KIF2A: variants seen among roughly 807,000 people sequenced by gnomAD.
KIF2A encodes the protein kinesin family member 2A, also known as kinesin-like protein KIF2A.
A neutral mutation model predicts 100.2 loss-of-function variants in KIF2A; 22 were observed. The ratio of observed to expected loss-of-function variants is 0.22; its 90% CI spans 0.16 to 0.31. The LOEUF (loss-of-function observed/expected upper bound fraction) is 0.31, where lower values mean the gene tolerates loss of function less well. Among genes scored for constraint, KIF2A ranks in the 10% least tolerant of loss-of-function variants. The pLI is 1.00. For synonymous variants in KIF2A, 268 were observed against 285.9 expected, an observed-to-expected ratio of 0.94 and a Z score of 0.63; for missense variants, 495 against 898.7, an observed-to-expected ratio of 0.55 and a Z score of 5.74.
Position 62,389,484 on chromosome 5 carries a change from T to G in KIF2A, c.*3915T>G, listed in dbSNP as rs1580117259. On this transcript the variant is annotated 3_prime_UTR_variant, in exon 21 of 21. Coordinates refer to ENST00000407818, the MANE Select transcript of KIF2A (RefSeq NM_001098511.3). ...CTGGGTGACAGAGCAAGACTCTGTCTCAAAAAAAAAAAAAAAAGAAATGTT... is the reference window on the plus strand; with the variant it reads ...CTGGGTGACAGAGCAAGACTCTGTCGCAAAAAAAAAAAAAAAAGAAATGTT... Among the ~76,000 whole-genome samples the G allele has an allele frequency of 2.5e-5, 1 of 39,868 alleles. No individual in the cohort carries two copies. The highest frequency in any genetic ancestry group is 5.2e-4 in the South Asian group (1 of 1,940). The allele number at this position is 39,868 out of a possible 152,430, so 26.2% of individuals were successfully genotyped here.
intron 1 of KIF2A, among the ~76,000 whole-genome samples, chr5:62,322,932 A>C (rs1311684814): frequency 9.0e-6 from 1 of 110,954 alleles, no homozygotes; most frequent in Non-Finnish European, 1.8e-5. Context: ...GATTCAATTT[A>C]GTAAAAAAAA....
intron 18 of KIF2A, among the ~76,000 whole-genome samples, chr5:62,375,024 A>G (rs1741480684): frequency 6.6e-6 from 1 of 152,196 alleles, no homozygotes; most frequent in African/African-American, 2.4e-5. Flanking sequence ...ACAGCAAAAT[A>G]CTAACATTTG....
rs540323298 is a variant in KIF2A, at chr5:62,387,245, G to A, written c.*1676G>A. On this transcript the variant is annotated 3_prime_UTR_variant, in exon 21 of 21. Coordinates refer to ENST00000407818, the MANE Select transcript of KIF2A (RefSeq NM_001098511.3). ...TGGAAAGGACTCAGGTTTTCTTGCA[G>A]CTGTAAGATATATTCTATTTGTGTT... 7.9e-5 allele frequency: 12 copies of A among 152,302 alleles called. No homozygotes were observed. Among genetic ancestry groups the A allele is most frequent in the African/African-American group, 2.9e-4 (12 of 41,558 alleles). 9.4% of individuals were successfully genotyped at this position (152,302 alleles called of 1,614,324 possible). A position where few individuals can be genotyped will look rare whatever the true frequency, so the allele number is the denominator to read the frequency against.
At chr5:62,363,988 C>A in intron 14 of KIF2A, 89 bp downstream of exon 14, 1 of 1,016,424 alleles carries the variant, frequency 9.8e-7, no homozygotes, top group Non-Finnish European at 1.4e-6. Flanking sequence ...ACTTGTTTTA[C>A]CTAATAAAAA....
At chr5:62,334,090 A>G (rs1283885510) in intron 1 of KIF2A, among the ~76,000 whole-genome samples, 1 of 151,692 alleles carries the variant, frequency 6.6e-6, no homozygotes, top group African/African-American at 2.4e-5. Flanking sequence ...CTGTCCTCCC[A>G]CCTGCCATGA....
At position 62,373,740 on chromosome 5, in the gene KIF2A, T is replaced by G. The variant is rs750108492; in HGVS notation, c.1814T>G (p.Met605Arg). 21 of 1,613,344 alleles carry G rather than the reference T, an allele frequency of 1.3e-5. No homozygotes were observed. Among genetic ancestry groups the G allele is most frequent in the Non-Finnish European group, 1.7e-5 (20 of 1,179,394 alleles). ...GCTGCTGGTGATGTTCGTCCAATAA[T>G]GCACCATCCACCAAACCAGATTGAT... ...PTAAGDVRPI[M>R]HHPPNQIDDL... Residue 605 changes from methionine to arginine, a missense_variant, in exon 18 of 21, where the codon ATG becomes AGG. Transcript: ENST00000407818.
At chr5:62,348,517 C>T (rs555636164) in intron 3 of KIF2A, among the ~76,000 whole-genome samples, 1 of 152,270 alleles carries the variant, frequency 6.6e-6, no homozygotes, top group African/African-American at 2.4e-5. Flanking sequence ...GGAATAATAA[C>T]TACCAACTCT....
At chr5:62,359,136 TAAA>T (rs1374797139) in intron 9 of KIF2A, among the ~76,000 whole-genome samples, 2 of 152,230 alleles carry the variant, frequency 1.3e-5, no homozygotes. Flanking sequence ...GTATTCAACT[TAAA>T]AATAATTCAA....
chr5:62,347,029 C>A (rs1747605150), intron 1 of KIF2A, 101 bp from the exon 2 acceptor site: 2 of 664,502 alleles, frequency 3.0e-6, no homozygotes, highest in Non-Finnish European at 5.2e-6. Context: ...AAAGTAGTGT[C>A]ATTTTTTTTT....
At chr5:62,366,775 G>A (rs796426745) in intron 16 of KIF2A, among the ~76,000 whole-genome samples, 3 of 150,930 alleles carry the variant, frequency 2.0e-5, no homozygotes, top group African/African-American at 7.3e-5. Flanking sequence ...AGCTTGCAGT[G>A]AGCCGAGATC....
At chr5:62,374,390 A>G (rs1180318383) in intron 18 of KIF2A, among the ~76,000 whole-genome samples, 1 of 152,190 alleles carries the variant, frequency 6.6e-6, no homozygotes, top group African/African-American at 2.4e-5. Flanking sequence ...CATAAACCCA[A>G]AACATGTATT....
chr5:62,368,714 C>A (rs949361109), intron 16 of KIF2A, among the ~76,000 whole-genome samples: 9 of 151,658 alleles, frequency 5.9e-5, no homozygotes, highest in South Asian at 2.1e-4. Context: ...AATGTTGAGT[C>A]TACAGTGAGT....
At chr5:62,341,272 G>A (rs1296319766) in intron 1 of KIF2A, among the ~76,000 whole-genome samples, 2 of 151,906 alleles carry the variant, frequency 1.3e-5, no homozygotes, top group Admixed American at 1.3e-4. Flanking sequence ...TTCCAATATT[G>A]AGGAGACTGC....
chr5:62,369,328 G>A lies in KIF2A; in HGVS notation c.1646+2847G>A, dbSNP rs143229579. On this transcript the variant is annotated intron_variant, in intron 16 of 20. Coordinates refer to ENST00000407818, the MANE Select transcript of KIF2A (RefSeq NM_001098511.3). Reference sequence around the variant, plus strand: ...GCTTCAGGAAACTTACAGTCATGGTGGAAGGTGAAGGGGAAGCAAGGCACC... The same window carrying A: ...GCTTCAGGAAACTTACAGTCATGGTAGAAGGTGAAGGGGAAGCAAGGCACC... Among the ~76,000 whole-genome samples, 110 of 152,246 alleles carry A rather than the reference G, an allele frequency of 7.2e-4. 1 individual carries two copies. Among genetic ancestry groups the A allele is most frequent in the African/African-American group, 2.6e-3 (106 of 41,542 alleles).
chr5:62,345,679 A>G (rs1194746048), intron 1 of KIF2A, among the ~76,000 whole-genome samples: 1 of 152,104 alleles, frequency 6.6e-6, no homozygotes, highest in Non-Finnish European at 1.5e-5. Flanking sequence ...ATAAACAATA[A>G]TACTTATTAA....
intron 1 of KIF2A, among the ~76,000 whole-genome samples, chr5:62,340,201 T>G (rs2111883060): frequency 6.6e-6 from 1 of 152,292 alleles, no homozygotes; most frequent in East Asian, 1.9e-4. Context: ...CCTCCCAAAG[T>G]GCTGGGATTG....
At position 62,390,746 on chromosome 5, in the gene KIF2A, T is replaced by C. The variant is rs1241189324; in HGVS notation, c.*5177T>C. ...ATCTTCTACACCAAATACTATTCCA[T>C]GCCATGGAAGTGCTATGCAATAACT... On this transcript the variant is annotated 3_prime_UTR_variant, in exon 21 of 21. Transcript: ENST00000407818. 2 of 716,958 alleles carry C rather than the reference T, an allele frequency of 2.8e-6. No homozygotes were observed. Among genetic ancestry groups the C allele is most frequent in the South Asian group, 1.7e-5 (1 of 59,740 alleles). The allele number at this position is 716,958 out of a possible 1,614,324, so 44.4% of individuals were successfully genotyped here.
chr5:62,340,592 C>CT (rs199840485), intron 1 of KIF2A, among the ~76,000 whole-genome samples: 128 of 152,148 alleles, frequency 8.4e-4, no homozygotes, highest in African/African-American at 2.8e-3. Flanking sequence ...TTGTTCTCCC[C>CT]CTAGTGGCAT....
chr5:62,344,343 T>C (rs1174954944), intron 1 of KIF2A, among the ~76,000 whole-genome samples: 2 of 134,050 alleles, frequency 1.5e-5, no homozygotes, highest in African/African-American at 5.2e-5. Context: ...CGCGACTCCA[T>C]CTCAAAAAAA....
Sources: allele counts gnomAD v4.1 joint callset (sites outside exome capture counted in the v4.1 genomes callset), GRCh38; gene constraint gnomAD v4.1.1; transcripts MANE v1.5; gene names NCBI Gene and HGNC (gene_info 2026-07-23, HGNC 2026-07-21).